The following SIK2 variants were observed in gnomAD, a reference collection of about 807,000 sequenced individuals.
SIK2 encodes salt inducible kinase 2, also known as serine/threonine-protein kinase SIK2.
Under a neutral mutation model 103.2 loss-of-function variants are expected in SIK2, and 29 were observed. That is an observed-to-expected ratio of 0.28 (90% CI 0.21 to 0.38). SIK2 has a LOEUF of 0.38. Ranked by LOEUF, SIK2 falls within the 10% of genes least tolerant of loss-of-function variation. The pLI is 1.00. For missense variants in SIK2, 879 were observed against 1,171.0 expected, an observed-to-expected ratio of 0.75 and a Z score of 3.64; for synonymous variants, 412 against 446.1, an observed-to-expected ratio of 0.92 and a Z score of 0.96.
chr11:111,602,519 G>T lies in SIK2; in HGVS notation c.-45G>T, dbSNP rs1191419996. On this transcript the variant is annotated 5_prime_UTR_variant, in exon 1 of 15. Coordinates refer to ENST00000304987, the MANE Select transcript of SIK2 (RefSeq NM_015191.3). This position sits in a 1 kb window ranked among gnomAD's most constrained non-coding sequence, Gnocchi z 4.5. ...GCCAAGCCGCGCTGCCAACCCTCCCGCCCGCCCGCGCTCCTGTCCGCCGTG... is the reference window on the plus strand; with the variant it reads ...GCCAAGCCGCGCTGCCAACCCTCCCTCCCGCCCGCGCTCCTGTCCGCCGTG... 7.1e-7 allele frequency: 1 copy of T among 1,410,438 alleles called. No homozygotes were observed. Among genetic ancestry groups the T allele is most frequent in the Non-Finnish European group, 9.3e-7 (1 of 1,075,906 alleles). 87.4% of individuals were successfully genotyped at this position (1,410,438 alleles called of 1,614,324 possible).
intron 3 of SIK2, among the ~76,000 whole-genome samples, chr11:111,666,261 T>C (rs1490429059): frequency 6.6e-6 from 1 of 152,228 alleles, no homozygotes; most frequent in Non-Finnish European, 1.5e-5. Context: ...TTGGAGTTCC[T>C]TTCAGGTTCT....
chr11:111,698,257 A>C (rs1357237952), intron 4 of SIK2, among the ~76,000 whole-genome samples: 1 of 152,230 alleles, frequency 6.6e-6, no homozygotes, highest in African/African-American at 2.4e-5. Flanking sequence ...AAACTGGGCT[A>C]CCACGGGTCC....
intron 8 of SIK2, 73 bp from the exon 9 acceptor site, chr11:111,712,138 A>C: frequency 7.1e-7 from 1 of 1,409,854 alleles, no homozygotes; most frequent in South Asian, 1.3e-5. Context: ...GAATTATTTT[A>C]TTCTTAGAAC....
chr11:111,671,389 G>C, intron 3 of SIK2: 1 of 253,032 alleles, frequency 4.0e-6, no homozygotes. Context: ...CCCACATACT[G>C]CTCAGCATCT....
chr11:111,627,708 T>C (rs1941978767), intron 3 of SIK2, among the ~76,000 whole-genome samples: 1 of 152,256 alleles, frequency 6.6e-6, no homozygotes, highest in South Asian at 2.1e-4. Flanking sequence ...GGTTTATAAC[T>C]TCAGAGTCAG....
chr11:111,719,737 G>A (rs1565392892), intron 9 of SIK2, 38 bp from the exon 10 acceptor site: 2 of 1,583,288 alleles, frequency 1.3e-6, no homozygotes, highest in South Asian at 2.3e-5. Flanking sequence ...TGTCTCAGCA[G>A]TGCAGAAACT....
chr11:111,712,355 G>A lies in SIK2; in HGVS notation c.1246G>A (p.Glu416Lys). ...GGCGGAAGCTGCATTCATGGAAGAAGAGTGTGTGGACACTCCAAAGGTACG... is the reference window on the plus strand; with the variant it reads ...GGCGGAAGCTGCATTCATGGAAGAAAAGTGTGTGGACACTCCAAAGGTACG... ...CQAEAAFMEE[E>K]CVDTPKVNGC... The change falls in exon 9 of 15, where the codon GAG becomes AAG. Residue 416 changes from glutamate to lysine, a missense_variant. By Grantham distance (56) the Glu-to-Lys change is moderately conservative. This residue lies in a region of SIK2 where 222 missense variants were observed against 258.0 expected (regional missense o/e 0.86). Coordinates refer to ENST00000304987, the MANE Select transcript of SIK2 (RefSeq NM_015191.3). 10 of 1,614,134 alleles carry A rather than the reference G, an allele frequency of 6.2e-6. No homozygotes were observed. Among genetic ancestry groups the A allele is most frequent in the Non-Finnish European group, 8.5e-6 (10 of 1,180,008 alleles).
Position 111,713,356 on chromosome 11 carries a change from C to T in SIK2, c.1266+981C>T, listed in dbSNP as rs796103830. On this transcript the variant is annotated intron_variant, in intron 9 of 14. Coordinates refer to ENST00000304987, the MANE Select transcript of SIK2 (RefSeq NM_015191.3). ...GTAGAGTGTCATAGAAAACACAGGTCTTGGAGCGTGTTCAAAATAGACCTC... is the reference window on the plus strand; with the variant it reads ...GTAGAGTGTCATAGAAAACACAGGTTTTGGAGCGTGTTCAAAATAGACCTC... Among the ~76,000 whole-genome samples the T allele has an allele frequency of 1.2e-4, 18 of 152,198 alleles. 1 individual carries two copies. Among genetic ancestry groups the T allele is most frequent in the African/African-American group, 4.3e-4 (18 of 41,518 alleles).
rs1324139016 is a variant in SIK2, at chr11:111,703,132, CAT to C, written c.728-70_728-69del. 4.0e-5 allele frequency: 56 copies of C among 1,404,106 alleles called. No homozygotes were observed. In the Middle Eastern group the frequency reaches 7.5e-4, roughly 19 times the overall value. 87.0% of individuals were successfully genotyped at this position (1,404,106 alleles called of 1,614,324 possible). ...AGATTAACACCCTTGTACAAAGTCA[CAT>C]GAGTCAAGCAAATAACCCTGAAGTG... On this transcript the variant is annotated intron_variant, in intron 6 of 14. Transcript: ENST00000304987.
chr11:111,682,267 A>G (rs1049701474), intron 3 of SIK2, among the ~76,000 whole-genome samples: 4 of 152,200 alleles, frequency 2.6e-5, no homozygotes, highest in Admixed American at 1.3e-4. Context: ...GTTAAACAGT[A>G]ATGTGAGGAA....
intron 3 of SIK2, among the ~76,000 whole-genome samples, chr11:111,621,046 T>A (rs1424019756): frequency 2.0e-5 from 3 of 152,264 alleles, no homozygotes; most frequent in Non-Finnish European, 4.4e-5. Flanking sequence ...TAAATCTTTT[T>A]TGTTCTTAAA....
In SIK2 at chr11:111,723,974, G is replaced by A. The variant is rs747733489; in HGVS notation, c.2626G>A (p.Asp876Asn). 24 of 1,614,106 alleles carry A rather than the reference G, an allele frequency of 1.5e-5. No individual in the cohort carries two copies. The highest frequency in any genetic ancestry group is 1.9e-5 in the Non-Finnish European group (23 of 1,180,002). Residue 876 changes from aspartate (D) to asparagine (N), a missense_variant, in exon 15 of 15, where the codon GAC (aspartate) becomes AAC (asparagine). Around this residue, in one of 7 missense-constraint regions of SIK2, gnomAD observed 375 missense variants for 416.3 expected, o/e 0.90. Coordinates refer to ENST00000304987, the MANE Select transcript of SIK2 (RefSeq NM_015191.3). ...QYPVDGAQQS[D>N]LTGPDCPRSP... ...TCCTGTGGATGGAGCCCAGCAGAGCGACCTAACGGGGCCAGACTGTCCCAG... is the reference window on the plus strand; with the variant it reads ...TCCTGTGGATGGAGCCCAGCAGAGCAACCTAACGGGGCCAGACTGTCCCAG...
At chr11:111,723,421 T>A (rs1365219852) in intron 14 of SIK2, 75 bp from the exon 15 acceptor site, 1 of 1,440,416 alleles carries the variant, frequency 6.9e-7, no homozygotes, top group Admixed American at 2.2e-5. Flanking sequence ...AGCTAGTGAC[T>A]GGTATTGCAT....
chr11:111,686,181 C>A (rs1275434566), intron 3 of SIK2, among the ~76,000 whole-genome samples: 1 of 152,158 alleles, frequency 6.6e-6, no homozygotes, highest in African/African-American at 2.4e-5. Context: ...TGGCTCACAC[C>A]TGTAATCCCA....
rs1944038881 is a variant in SIK2, at chr11:111,728,195, A to G, written c.*4066A>G. On this transcript the variant is annotated 3_prime_UTR_variant, in exon 15 of 15. Transcript: ENST00000304987. ...CCACTCGGTCTCTTTGTGCCTAAAC[A>G]TGAAAGGTGAAAATTGGAGAACAGG... The G allele has an allele frequency of 1.3e-5, 2 of 152,228 alleles. No individual in the cohort carries two copies. Among genetic ancestry groups the G allele is most frequent in the Non-Finnish European group, 2.9e-5 (2 of 68,052 alleles). 9.4% of individuals were successfully genotyped at this position (152,228 alleles called of 1,614,324 possible).
chr11:111,654,444 T>G (rs1942365936), intron 3 of SIK2, among the ~76,000 whole-genome samples: 1 of 152,230 alleles, frequency 6.6e-6, no homozygotes, highest in Non-Finnish European at 1.5e-5. Flanking sequence ...TTGGCCATTG[T>G]CAGATCATTT....
In SIK2 at chr11:111,606,065, G is replaced by A. The variant is rs1044500268; in HGVS notation, c.135+3367G>A. Among the ~76,000 whole-genome samples the A allele has an allele frequency of 2.6e-5, 4 of 152,288 alleles. No individual in the cohort carries two copies. In the East Asian group the frequency reaches 7.7e-4, roughly 29 times the overall value. ...TCAGCTGTTAAACTTTGAGGCAATA[G>A]TGGTTGCTTGTTTGCTATTCAGTGA... On this transcript the variant is annotated intron_variant, in intron 1 of 14. Coordinates refer to ENST00000304987, the MANE Select transcript of SIK2 (RefSeq NM_015191.3).
chr11:111,619,119 C>T (rs1169418007), intron 2 of SIK2, among the ~76,000 whole-genome samples: 4 of 151,950 alleles, frequency 2.6e-5, no homozygotes, highest in Admixed American at 2.0e-4. Flanking sequence ...TAAACTAGAC[C>T]GAGGATAAAA....
intron 3 of SIK2, among the ~76,000 whole-genome samples, chr11:111,648,358 A>G (rs758238213): frequency 2.6e-5 from 4 of 152,072 alleles, no homozygotes; most frequent in Non-Finnish European, 4.4e-5. Flanking sequence ...CAAGGTGCCA[A>G]TGGTGTCTGG....
Sources: gnomAD v4.1 joint callset for allele counts (sites outside exome capture counted in the v4.1 genomes callset) on GRCh38, gnomAD v4.1.1 for gene constraint, gnomAD v4.1.1 regional missense constraint, Gnocchi (gnomAD v3.1) non-coding constraint, MANE v1.5 for transcripts, NCBI Gene and HGNC (gene_info 2026-07-23, HGNC 2026-07-21) for gene names.